REEP1: variants seen among roughly 807,000 people sequenced by gnomAD.
REEP1 encodes the protein receptor accessory protein 1.
Under a neutral mutation model 40.3 loss-of-function variants are expected in REEP1, and 22 were observed. The ratio of observed to expected loss-of-function variants is 0.55; its 90% CI spans 0.39 to 0.78. The LOEUF is 0.78. Among genes scored for constraint, REEP1 ranks in the 30% least tolerant of loss-of-function variants. The probability of loss-of-function intolerance (pLI) is 0.00; values close to 1 mark genes in which losing one functional copy is unlikely to be tolerated. For synonymous variants in REEP1, 116 were observed against 139.2 expected (o/e 0.83, Z 1.17); for missense variants, 280 against 361.1 (o/e 0.78, Z 1.82).
At chr2:86,219,321 C>T (rs1674289321) in intron 8 of REEP1, among the ~76,000 whole-genome samples, 1 of 152,128 alleles carries the variant, frequency 6.6e-6, no homozygotes, top group Non-Finnish European at 1.5e-5. Context: ...TTTCTTCCCC[C>T]AAAACAGTCA....
intron 7 of REEP1, among the ~76,000 whole-genome samples, chr2:86,224,391 G>A (rs779003508): frequency 1.3e-5 from 2 of 152,186 alleles, no homozygotes; most frequent in Non-Finnish European, 2.9e-5. Context: ...AACACCATCT[G>A]CCACCACTGC....
At chr2:86,263,596 A>C (rs1021986723) in intron 3 of REEP1, among the ~76,000 whole-genome samples, 32 of 152,150 alleles carry the variant, frequency 2.1e-4, no homozygotes, top group Non-Finnish European at 2.9e-5. Context: ...GTTGACCATG[A>C]ATTGAGTGAG....
chr2:86,249,083 A>C (rs1317951714), intron 5 of REEP1, among the ~76,000 whole-genome samples: 4 of 152,076 alleles, frequency 2.6e-5, no homozygotes, highest in African/African-American at 9.7e-5. Context: ...ACATGGCAAA[A>C]CCCAGTCTCT....
intron 6 of REEP1, among the ~76,000 whole-genome samples, chr2:86,229,085 C>T (rs1309463678): frequency 3.9e-5 from 6 of 152,208 alleles, no homozygotes; most frequent in Non-Finnish European, 8.8e-5. Flanking sequence ...GTCTTCAACC[C>T]CTGCCACCTG....
At chr2:86,335,403 T>A (rs1386148689) in intron 1 of REEP1, among the ~76,000 whole-genome samples, 1 of 152,154 alleles carries the variant, frequency 6.6e-6, no homozygotes, top group Non-Finnish European at 1.5e-5. Flanking sequence ...CCAAATCCCA[T>A]CAACTCTCCT....
At position 86,234,113 on chromosome 2, in the gene REEP1, G is replaced by C. The variant is rs534233893; in HGVS notation, c.418-1311C>G. On this transcript the variant is annotated intron_variant, in intron 5 of 8. Coordinates refer to ENST00000538924, the MANE Select transcript of REEP1 (RefSeq NM_001371279.1). ...AAAATAATGAAAATGAACCAACAAA[G>C]CACAGCAATTCGCTGAAGTGAAAAA... Among the ~76,000 whole-genome samples, 4 of 152,056 alleles carry C rather than the reference G, an allele frequency of 2.6e-5. 1 individual carries two copies. In the South Asian group the frequency reaches 8.3e-4, roughly 32 times the overall value.
Position 86,254,810 on chromosome 2 carries a change from G to A in REEP1, c.187C>T (p.Pro63Ser). Residue 63 changes from proline to serine, a missense_variant, in exon 4 of 9, where the codon CCA becomes TCA. This residue lies in a region of REEP1 where 68 missense variants were observed against 83.7 expected (regional missense o/e 0.81). Coordinates refer to ENST00000538924, the MANE Select transcript of REEP1 (RefSeq NM_001371279.1). ...GCTATTTTTAGTTCATAATAGAATG[G>A]AAACCTGGAGAGAGAGATGAAAACA... ...TFTDIFLCWF[P>S]FYYELKIAFV... The A allele has an allele frequency of 6.2e-7, 1 of 1,613,986 alleles. No homozygotes were observed. The highest frequency in any genetic ancestry group is 8.5e-7 in the Non-Finnish European group (1 of 1,179,974).
At chr2:86,288,288 C>T (rs1312725612) in intron 1 of REEP1, among the ~76,000 whole-genome samples, 1 of 152,160 alleles carries the variant, frequency 6.6e-6, no homozygotes, top group Admixed American at 6.5e-5. Flanking sequence ...CTCCCAAATG[C>T]TAGGATTACA....
chr2:86,281,362 TG>T (rs1678079893), intron 2 of REEP1, among the ~76,000 whole-genome samples: 1 of 152,200 alleles, frequency 6.6e-6, no homozygotes, highest in Non-Finnish European at 1.5e-5. Flanking sequence ...CCGGGCACTG[TG>T]GCACGCCTAT....
At chr2:86,231,160 C>G (rs1217285401) in intron 6 of REEP1, among the ~76,000 whole-genome samples, 1 of 152,150 alleles carries the variant, frequency 6.6e-6, no homozygotes, top group Non-Finnish European at 1.5e-5. Flanking sequence ...GTCTCTTCAC[C>G]AGTAAAATCA....
intron 1 of REEP1, among the ~76,000 whole-genome samples, chr2:86,330,426 T>TGTGC (rs1358901797): frequency 7.2e-6 from 1 of 138,832 alleles, no homozygotes; most frequent in Non-Finnish European, 1.6e-5. Context: ...TGTGTGTGTG[T>TGTGC]GTGTGTGTGT....
intron 1 of REEP1, among the ~76,000 whole-genome samples, chr2:86,310,824 T>C (rs890626744): frequency 6.6e-6 from 1 of 152,074 alleles, no homozygotes; most frequent in East Asian, 1.9e-4. Flanking sequence ...CAAAGGACTA[T>C]GATATAAACT....
chr2:86,290,852 G>A (rs773802254), intron 1 of REEP1, among the ~76,000 whole-genome samples: 12 of 152,194 alleles, frequency 7.9e-5, no homozygotes, highest in Non-Finnish European at 1.8e-4. Flanking sequence ...GGCTTTGGTT[G>A]CCATGGGTCC....
intron 2 of REEP1, among the ~76,000 whole-genome samples, chr2:86,276,430 A>G (rs930997829): frequency 6.6e-6 from 1 of 152,116 alleles, no homozygotes; most frequent in African/African-American, 2.4e-5. Flanking sequence ...TTTCCTTTTG[A>G]TGCATCCCAC....
At chr2:86,277,736 C>T (rs1677846905) in intron 2 of REEP1, among the ~76,000 whole-genome samples, 2 of 152,204 alleles carry the variant, frequency 1.3e-5, no homozygotes, top group Non-Finnish European at 2.9e-5. Flanking sequence ...AGGAAAGCCT[C>T]AGGAAAACCT....
chr2:86,293,261 C>G (rs1678818299), intron 1 of REEP1, among the ~76,000 whole-genome samples: 1 of 152,192 alleles, frequency 6.6e-6, no homozygotes, highest in Admixed American at 6.5e-5. Context: ...ACCTCAAAGT[C>G]AGAGGTTTTA....
At chr2:86,322,873 C>T (rs370606497) in intron 1 of REEP1, among the ~76,000 whole-genome samples, 11 of 152,020 alleles carry the variant, frequency 7.2e-5, no homozygotes, top group African/African-American at 2.7e-4. Flanking sequence ...GTACACTTCC[C>T]CACTGCACTT....
chr2:86,251,750 T>G, intron 5 of REEP1: 1 of 607,640 alleles, frequency 1.6e-6, no homozygotes, highest in Non-Finnish European at 3.0e-6. Flanking sequence ...CTCTTGATAT[T>G]GCAAGTATGT....
intron 7 of REEP1, chr2:86,223,578 GCA>G (rs1437715579): frequency 2.0e-5 from 3 of 152,298 alleles, no homozygotes; most frequent in Non-Finnish European, 4.4e-5. Context: ...TGTGCACCAT[GCA>G]CACATCCCCA....
Sources: allele counts gnomAD v4.1 joint callset (sites outside exome capture counted in the v4.1 genomes callset), GRCh38; gene constraint gnomAD v4.1.1; regional missense constraint gnomAD v4.1.1; transcripts MANE v1.5; gene names NCBI Gene and HGNC (gene_info 2026-07-23, HGNC 2026-07-21).